Variants in SPOCK3 observed in about 807,000 individuals in gnomAD.
SPOCK3 encodes the protein testican-3.
SPOCK3 carries 30 observed loss-of-function variants against 56.6 expected under a neutral mutation model. The ratio of observed to expected loss-of-function variants is 0.53; its 90% CI spans 0.40 to 0.72. SPOCK3 has a LOEUF of 0.72. Among genes scored for constraint, SPOCK3 ranks in the 30% least tolerant of loss-of-function variants. The pLI, the probability that SPOCK3 is intolerant of heterozygous loss-of-function variation, is 0.00. For missense variants in SPOCK3, 527 were observed against 530.0 expected, an observed-to-expected ratio of 0.99 and a Z score of 0.06; for synonymous variants, 196 against 183.3, an observed-to-expected ratio of 1.07 and a Z score of -0.56.
intron 6 of SPOCK3, among the ~76,000 whole-genome samples, chr4:166,834,654 G>T (rs914007600): frequency 6.6e-6 from 1 of 151,926 alleles, no homozygotes; most frequent in Non-Finnish European, 1.5e-5. Flanking sequence ...AAATAGTTTT[G>T]GAAATTAGAT....
intron 6 of SPOCK3, among the ~76,000 whole-genome samples, chr4:166,843,321 C>CACCA (rs1226255783): frequency 1.3e-5 from 2 of 152,228 alleles, no homozygotes; most frequent in Non-Finnish European, 2.9e-5. Flanking sequence ...GAGCGACGGC[C>CACCA]ACCAGCACAT....
intron 2 of SPOCK3, among the ~76,000 whole-genome samples, chr4:167,077,110 C>T (rs1258789125): frequency 6.6e-6 from 1 of 151,752 alleles, no homozygotes; most frequent in African/African-American, 2.4e-5. Context: ...CAGAAGATTT[C>T]TCATTTCATT....
At chr4:167,074,609 A>G (rs1757004881) in intron 2 of SPOCK3, among the ~76,000 whole-genome samples, 1 of 151,910 alleles carries the variant, frequency 6.6e-6, no homozygotes, top group Admixed American at 6.6e-5. Flanking sequence ...AGCTGATTTC[A>G]AAATGACATC....
rs1287332160 is a variant in SPOCK3, at chr4:166,784,049, G to A, written c.709+8121C>T. On this transcript the variant is annotated intron_variant, in intron 7 of 10. Coordinates refer to ENST00000357545, the MANE Select transcript of SPOCK3 (RefSeq NM_001040159.2). Reference sequence around the variant, plus strand: ...GCTAAAATTGCTTAACACCCTACATGGCTTTATTTTGAAATTAAATATTTA... The same window carrying A: ...GCTAAAATTGCTTAACACCCTACATAGCTTTATTTTGAAATTAAATATTTA... 4.6e-5 allele frequency among the ~76,000 whole-genome samples: 7 copies of A among 151,590 alleles called. No individual in the cohort carries two copies. In the South Asian group the frequency reaches 1.2e-3, roughly 27 times the overall value.
intron 6 of SPOCK3, among the ~76,000 whole-genome samples, chr4:166,807,572 T>C (rs1298749604): frequency 8.5e-5 from 13 of 152,128 alleles, no homozygotes; most frequent in Non-Finnish European, 1.5e-4. Flanking sequence ...TGATGTGAAG[T>C]CAAGACCACT....
chr4:167,102,892 C>T (rs1351042722), intron 2 of SPOCK3, among the ~76,000 whole-genome samples: 1 of 148,286 alleles, frequency 6.7e-6, no homozygotes, highest in Non-Finnish European at 1.5e-5. Flanking sequence ...TTGTACTGCC[C>T]CTCCCCAACA....
intron 2 of SPOCK3, among the ~76,000 whole-genome samples, chr4:167,153,028 C>A (rs1764544602): frequency 6.6e-6 from 1 of 152,078 alleles, no homozygotes; most frequent in Non-Finnish European, 1.5e-5. Flanking sequence ...GTGTTAGATG[C>A]TATGCTAAGC....
chr4:166,796,985 C>T (rs1742008483), intron 6 of SPOCK3, among the ~76,000 whole-genome samples: 2 of 152,080 alleles, frequency 1.3e-5, no homozygotes, highest in African/African-American at 4.8e-5. Flanking sequence ...TCCAATCCTC[C>T]CATTACCTAG....
intron 2 of SPOCK3, among the ~76,000 whole-genome samples, chr4:167,197,007 T>C (rs1205326862): frequency 6.6e-6 from 1 of 152,156 alleles, no homozygotes; most frequent in Non-Finnish European, 1.5e-5. Flanking sequence ...TCAAGGTTTA[T>C]TGTTGAGAAG....
rs578175480 is a variant in SPOCK3, at chr4:166,887,369, C to T, written c.589+1761G>A. Among the ~76,000 whole-genome samples, 188 of 152,218 alleles carry T rather than the reference C, an allele frequency of 1.2e-3. 2 individuals carry two copies. The highest frequency in any genetic ancestry group is 1.9e-3 in the Non-Finnish European group (130 of 68,012). Reference sequence around the variant, plus strand: ...ACATCTCAAATGTTGTTCTTAATAGCCTTCAGTGAAAAAACTGGCTCATGG... The same window carrying T: ...ACATCTCAAATGTTGTTCTTAATAGTCTTCAGTGAAAAAACTGGCTCATGG... On this transcript the variant is annotated intron_variant, in intron 6 of 10. Coordinates refer to ENST00000357545, the MANE Select transcript of SPOCK3 (RefSeq NM_001040159.2).
chr4:167,226,662 C>CA (rs1339299680), intron 2 of SPOCK3, among the ~76,000 whole-genome samples: 2 of 152,074 alleles, frequency 1.3e-5, no homozygotes, highest in Non-Finnish European at 2.9e-5. Context: ...TAACCAAGTT[C>CA]AGGCCTGTGG....
chr4:166,851,111 C>A (rs1313871330), intron 6 of SPOCK3, among the ~76,000 whole-genome samples: 2 of 151,994 alleles, frequency 1.3e-5, no homozygotes, highest in East Asian at 1.9e-4. Context: ...CAGCACGCAG[C>A]TGGAGATCTG....
chr4:166,766,384 G>GT (rs1267473702), intron 7 of SPOCK3, among the ~76,000 whole-genome samples: 3 of 152,160 alleles, frequency 2.0e-5, no homozygotes, highest in Non-Finnish European at 4.4e-5. Context: ...TTTATTGAGA[G>GT]TTTTTAGCAT....
At chr4:166,980,057 A>G (rs1055407921) in intron 4 of SPOCK3, among the ~76,000 whole-genome samples, 2 of 152,064 alleles carry the variant, frequency 1.3e-5, no homozygotes, top group Non-Finnish European at 2.9e-5. Context: ...TTAGTTTTCC[A>G]TGTTCATGCT....
intron 7 of SPOCK3, among the ~76,000 whole-genome samples, chr4:166,767,319 G>A (rs1560833723): frequency 7.0e-6 from 1 of 142,838 alleles, no homozygotes; most frequent in Non-Finnish European, 1.5e-5. Context: ...TTCTCTTGTG[G>A]GCATTTAGTG....
chr4:166,834,261 G>T (rs1019498764), intron 6 of SPOCK3, among the ~76,000 whole-genome samples: 1 of 152,134 alleles, frequency 6.6e-6, no homozygotes, highest in Non-Finnish European at 1.5e-5. Flanking sequence ...AACTCATCTT[G>T]CTGTAATTGG....
intron 3 of SPOCK3, among the ~76,000 whole-genome samples, chr4:167,043,993 T>G (rs146693486): frequency 4.6e-5 from 7 of 152,022 alleles, no homozygotes; most frequent in Non-Finnish European, 7.4e-5. Flanking sequence ...GATTCTTCTA[T>G]CTTCTAAAAA....
At chr4:166,750,692 AC>A (rs1736259960) in intron 8 of SPOCK3, among the ~76,000 whole-genome samples, 1 of 152,190 alleles carries the variant, frequency 6.6e-6, no homozygotes. Flanking sequence ...TTTCAATACA[AC>A]AGTAACAATG....
At chr4:166,737,683 A>C in intron 9 of SPOCK3, 79 bp from the exon 10 acceptor site, 1 of 1,448,734 alleles carries the variant, frequency 6.9e-7, no homozygotes, top group Non-Finnish European at 9.3e-7. Flanking sequence ...AGAAGCACCC[A>C]TTATGCATTA....
Sources: allele counts gnomAD v4.1 joint callset (sites outside exome capture counted in the v4.1 genomes callset), GRCh38; gene constraint gnomAD v4.1.1; transcripts MANE v1.5; gene names NCBI Gene and HGNC (gene_info 2026-07-23, HGNC 2026-07-21).